The following PIK3R4 variants were observed in gnomAD, a reference collection of about 807,000 sequenced individuals.
PIK3R4 encodes phosphoinositide 3-kinase regulatory subunit 4.
PIK3R4 carries 46 observed loss-of-function variants against 136.5 expected under a neutral mutation model. That is an observed-to-expected ratio of 0.34 (90% confidence interval 0.27 to 0.43). PIK3R4 has a LOEUF of 0.43. Among genes scored for constraint, PIK3R4 ranks in the 20% least tolerant of loss-of-function variants. The pLI is 1.00. For synonymous variants in PIK3R4, 557 were observed against 566.7 expected, an observed-to-expected ratio of 0.98 and a Z score of 0.24; for missense variants, 1,331 against 1,649.5, an observed-to-expected ratio of 0.81 and a Z score of 3.35.
At chr3:130,730,247 C>T in intron 5 of PIK3R4, 61 bp downstream of exon 5, 2 of 1,339,762 alleles carry the variant, frequency 1.5e-6, no homozygotes, top group South Asian at 1.3e-5. Flanking sequence ...GATAGTTTTA[C>T]AAGTTAGCAT....
At chr3:130,739,291 T>C (rs775475721) in intron 2 of PIK3R4, among the ~76,000 whole-genome samples, 12 of 152,202 alleles carry the variant, frequency 7.9e-5, no homozygotes, top group Non-Finnish European at 1.6e-4. Context: ...TTAGCCAAGA[T>C]GGTCTCGATC....
At chr3:130,692,475 T>C (rs1479121045) in intron 13 of PIK3R4, among the ~76,000 whole-genome samples, 2 of 152,252 alleles carry the variant, frequency 1.3e-5, no homozygotes, top group East Asian at 3.8e-4. Flanking sequence ...TGGTCTTTTA[T>C]ATCAAGCTTC....
At chr3:130,683,944 G>T (rs1275383076) in intron 16 of PIK3R4, among the ~76,000 whole-genome samples, 2 of 152,062 alleles carry the variant, frequency 1.3e-5, no homozygotes, top group African/African-American at 4.8e-5. Context: ...ATGAGTCAAG[G>T]TTTCTAACTT....
intron 2 of PIK3R4, among the ~76,000 whole-genome samples, chr3:130,741,791 C>T (rs1323902614): frequency 6.6e-6 from 1 of 152,166 alleles, no homozygotes; most frequent in Non-Finnish European, 1.5e-5. Flanking sequence ...GTATTCCTGG[C>T]ACCTACGTAA....
intron 1 of PIK3R4, among the ~76,000 whole-genome samples, chr3:130,745,977 G>A (rs1433110402): frequency 1.3e-5 from 2 of 151,412 alleles, no homozygotes; most frequent in African/African-American, 2.4e-5. Context: ...TGGAGATCCC[G>A]CCACCGCACT....
In PIK3R4 at chr3:130,734,057, T is replaced by C; in HGVS notation, c.941A>G (p.Asn314Ser). 6.2e-7 allele frequency: 1 copy of C among 1,614,156 alleles called. No individual in the cohort carries two copies. The change falls in exon 4 of 20, where the codon AAT (asparagine) becomes AGT (serine). Residue 314 changes from asparagine (N) to serine (S), a missense_variant. Transcript: ENST00000356763. ...AEDYLKQQRG[N>S]AFPEIFYTFL... ...AGTGTAAAATATTTCAGGAAAGGCA[T>C]TGCCACGCTGCTGTTTTAAGTAATC... is the stretch of plus-strand genomic sequence containing the variant.
At position 130,705,672 on chromosome 3, in the gene PIK3R4, T is replaced by C; in HGVS notation, c.2821A>G (p.Lys941Glu). ...TGGATGAGTTGCTGAAGTTCAGTTT[T>C]ACAAGTTGTAATTCGAATCTGATAG... Reference protein sequence around the residue: ...STYQIRITTCKTELQQLIQQK... With the variant: ...STYQIRITTCETELQQLIQQK... The change falls in exon 12 of 20, where the codon AAA (lysine) becomes GAA (glutamate). Residue 941 changes from lysine (K) to glutamate (E), a missense_variant. Lys to Glu is a moderately conservative substitution (Grantham distance 56). This residue lies in a region of PIK3R4 where 1,180 missense variants were observed against 1,407.0 expected (regional missense o/e 0.84). Coordinates refer to ENST00000356763, the MANE Select transcript of PIK3R4 (RefSeq NM_014602.3). 2 of 1,612,680 alleles carry C rather than the reference T, an allele frequency of 1.2e-6. 1 individual carries two copies. The highest frequency in any genetic ancestry group is 2.2e-5 in the South Asian group (2 of 91,052).
chr3:130,730,241 G>A, intron 5 of PIK3R4, 67 bp downstream of exon 5: 1 of 1,297,644 alleles, frequency 7.7e-7, no homozygotes. Flanking sequence ...ACAAATGATA[G>A]TTTTACAAGT....
At chr3:130,687,790 A>G (rs1324819333) in intron 14 of PIK3R4, among the ~76,000 whole-genome samples, 3 of 152,106 alleles carry the variant, frequency 2.0e-5, no homozygotes, top group African/African-American at 7.2e-5. Flanking sequence ...TGCCCTTTCA[A>G]TGTACTTTTT....
intron 13 of PIK3R4, among the ~76,000 whole-genome samples, chr3:130,692,928 C>G (rs1196371106): frequency 5.3e-5 from 8 of 152,216 alleles, no homozygotes; most frequent in African/African-American, 1.9e-4. Context: ...TCACCATTAT[C>G]TAATTCCAGA....
At position 130,716,648 on chromosome 3, in the gene PIK3R4, T is replaced by C. The variant is rs781255051; in HGVS notation, c.2128-49A>G. The C allele has an allele frequency of 1.3e-5, 15 of 1,133,716 alleles. 1 individual carries two copies. In the South Asian group the frequency reaches 1.9e-4, roughly 14 times the overall value. The allele number at this position is 1,133,716 out of a possible 1,614,324, so 70.2% of individuals were successfully genotyped here. On this transcript the variant is annotated intron_variant, in intron 8 of 19. Coordinates refer to ENST00000356763, the MANE Select transcript of PIK3R4 (RefSeq NM_014602.3). ...TCAGCCAAAAATATAACATGTACAG[T>C]TATTTTCAAATTCAATAAATACAAC... is the stretch of plus-strand genomic sequence containing the variant.
chr3:130,700,975 TAA>T (rs2066570862), intron 13 of PIK3R4, among the ~76,000 whole-genome samples: 2 of 152,262 alleles, frequency 1.3e-5, no homozygotes, highest in South Asian at 2.1e-4. Context: ...CCAAATTCTA[TAA>T]AGTCAGCTAA....
At position 130,706,580 on chromosome 3, in the gene PIK3R4, T is replaced by A. The variant is rs138099663; in HGVS notation, c.2721+368A>T. On this transcript the variant is annotated intron_variant, in intron 11 of 19. Transcript: ENST00000356763. ...TATCACACGTAGGAAATTTGGGACT[T>A]CTTCCCAGAAGTATTTTTGCTATTT... Among the ~76,000 whole-genome samples the A allele has an allele frequency of 1.2e-4, 18 of 152,310 alleles. No individual in the cohort carries two copies. The East Asian group carries it at 3.5e-3, about 29-fold the overall frequency.
intron 7 of PIK3R4, among the ~76,000 whole-genome samples, chr3:130,723,071 A>AAAAAAAAAAAAAAAAAAAAAAAAAAAT (rs2066711511): frequency 8.1e-6 from 1 of 123,102 alleles, no homozygotes; most frequent in Non-Finnish European, 1.6e-5. Context: ...GCAAAAAAAA[A>AAAAAAAAAAAAAAAAAAAAAAAAAAAT]AAAAAAAAAA....
Position 130,679,350 on chromosome 3 carries a change from C to T in PIK3R4, c.4042G>A (p.Ala1348Thr). 4 of 1,609,738 alleles carry T rather than the reference C, an allele frequency of 2.5e-6. No individual in the cohort carries two copies. The highest frequency in any genetic ancestry group is 3.4e-6 in the Non-Finnish European group (4 of 1,177,332). ...FQTTQGFIVT[A>T]SRDGIVKVWK ...ACCTTCACAATCCCATCTCTAGAAG[C>T]AGTTACGATGAAGCCCTGTGTGGTC... Residue 1348 changes from alanine (A) to threonine (T), a missense_variant, in exon 20 of 20, where the codon GCT (alanine) becomes ACT (threonine). Ala to Thr is a moderately conservative substitution (Grantham distance 58). Transcript: ENST00000356763.
chr3:130,738,369 A>G (rs954395395), intron 2 of PIK3R4, among the ~76,000 whole-genome samples: 2 of 152,218 alleles, frequency 1.3e-5, no homozygotes, highest in African/African-American at 4.8e-5. Flanking sequence ...GTTGAGGAAC[A>G]TAAGCACATA....
At position 130,707,000 on chromosome 3, in the gene PIK3R4, G is replaced by A. The variant is rs751545712; in HGVS notation, c.2669C>T (p.Pro890Leu). ...DQEVIQTGKP[P>L]RSESSAGICV... is the part of the protein sequence containing the mutation. Reference sequence around the variant, plus strand: ...AATGCCAGCAGAGGACTCGGAACGAGGAGGTTTCCCAGTCTGAATCACCTC... The same window carrying A: ...AATGCCAGCAGAGGACTCGGAACGAAGAGGTTTCCCAGTCTGAATCACCTC... Residue 890 changes from proline (P) to leucine (L), a missense_variant, in exon 11 of 20, where the codon CCT becomes CTT. Transcript: ENST00000356763. 2 of 1,612,830 alleles carry A rather than the reference G, an allele frequency of 1.2e-6. No individual in the cohort carries two copies. The highest frequency in any genetic ancestry group is 2.2e-5 in the South Asian group (2 of 90,750).
intron 13 of PIK3R4, among the ~76,000 whole-genome samples, 179 bp from the exon 14 acceptor site, chr3:130,690,833 A>G (rs1043630104): frequency 4.6e-5 from 7 of 151,552 alleles, no homozygotes; most frequent in Admixed American, 3.3e-4. Context: ...TTTTCTTCCG[A>G]TATTTTCAAA....
At chr3:130,700,678 A>C (rs2066569533) in intron 13 of PIK3R4, among the ~76,000 whole-genome samples, 1 of 152,168 alleles carries the variant, frequency 6.6e-6, no homozygotes, top group South Asian at 2.1e-4. Context: ...CATGGGGGAA[A>C]CTCCTCTTAG....
Sources: gnomAD v4.1 joint callset for allele counts (sites outside exome capture counted in the v4.1 genomes callset) on GRCh38, gnomAD v4.1.1 for gene constraint, gnomAD v4.1.1 regional missense constraint, MANE v1.5 for transcripts, NCBI Gene and HGNC (gene_info 2026-07-23, HGNC 2026-07-21) for gene names.